Variants in CNTLN observed in about 807,000 individuals in gnomAD.
CNTLN encodes the protein centlein, centrosomal protein.
CNTLN carries 212 observed loss-of-function variants against 180.0 expected under a neutral mutation model. The observed-to-expected ratio is 1.18, with a 90% CI of 1.05 to 1.32. The LOEUF is 1.32. Among genes scored for constraint, CNTLN ranks in the 40% most tolerant of loss-of-function variants. The pLI is 0.00. For synonymous variants in CNTLN, 722 were observed against 563.1 expected, an observed-to-expected ratio of 1.28 and a Z score of -3.99; for missense variants, 2,095 against 1,610.9, an observed-to-expected ratio of 1.30 and a Z score of -5.14.
intron 18 of CNTLN, among the ~76,000 whole-genome samples, chr9:17,422,948 C>A (rs1033053725): frequency 6.6e-6 from 1 of 152,126 alleles, no homozygotes; most frequent in Non-Finnish European, 1.5e-5. Context: ...TACCCTAATC[C>A]CGGTAACACT....
intron 2 of CNTLN, among the ~76,000 whole-genome samples, chr9:17,212,147 A>G (rs1035170735): frequency 6.6e-6 from 1 of 152,180 alleles, no homozygotes; most frequent in Non-Finnish European, 1.5e-5. Context: ...TTCAAAGGGA[A>G]TGCTTCCAGT....
intron 2 of CNTLN, among the ~76,000 whole-genome samples, chr9:17,148,606 A>G (rs902069043): frequency 2.0e-5 from 3 of 152,200 alleles, no homozygotes; most frequent in Non-Finnish European, 4.4e-5. Flanking sequence ...TGATCATTTG[A>G]AGGACTGAAG....
In CNTLN at chr9:17,135,130, C is replaced by T. The variant is rs1262552236; in HGVS notation, c.65C>T (p.Ser22Phe). 3 of 1,607,418 alleles carry T rather than the reference C, an allele frequency of 1.9e-6. No individual in the cohort carries two copies. Among genetic ancestry groups the T allele is most frequent in the Non-Finnish European group, 2.5e-6 (3 of 1,177,986 alleles). ...CCAGCGCGACAGCTGGGCCCCAGGT[C>T]CCCACGTGTTGGGCGGGGAGCTGAA... ...SPPARQLGPRSPRVGRGAEVH... is the reference protein window; with the variant it reads ...SPPARQLGPRFPRVGRGAEVH... Residue 22 changes from serine (S) to phenylalanine (F), a missense_variant, in exon 1 of 26, where the codon TCC becomes TTC. Coordinates refer to ENST00000380647, the MANE Select transcript of CNTLN (RefSeq NM_017738.4).
intron 8 of CNTLN, 53 bp downstream of exon 8, chr9:17,309,305 C>G (rs1031388830): frequency 3.0e-6 from 4 of 1,333,286 alleles, no homozygotes; most frequent in African/African-American, 2.9e-5. Context: ...ATGAAATCAT[C>G]TCCTACAATT....
intron 16 of CNTLN, among the ~76,000 whole-genome samples, chr9:17,413,644 C>T (rs982455085): frequency 8.6e-5 from 13 of 151,998 alleles, no homozygotes; most frequent in African/African-American, 2.9e-4. Flanking sequence ...ATACGGATGG[C>T]AAATAAGCAC....
chr9:17,313,444 C>G (rs999957719), intron 8 of CNTLN, among the ~76,000 whole-genome samples: 4 of 151,356 alleles, frequency 2.6e-5, no homozygotes, highest in African/African-American at 9.7e-5. Context: ...AAGTTTTACT[C>G]TTCTATCCTC....
At chr9:17,310,422 A>G (rs1819049670) in intron 8 of CNTLN, among the ~76,000 whole-genome samples, 1 of 152,172 alleles carries the variant, frequency 6.6e-6, no homozygotes, top group South Asian at 2.1e-4. Context: ...TTCACTGTTT[A>G]AAAACATTCT....
intron 5 of CNTLN, among the ~76,000 whole-genome samples, chr9:17,260,788 A>G (rs1443116242): frequency 6.6e-6 from 1 of 151,376 alleles, no homozygotes; most frequent in Admixed American, 6.6e-5. Context: ...GGTATTGCCT[A>G]GGTGGTCTTC....
chr9:17,221,211 A>G (rs1285759071), intron 2 of CNTLN, among the ~76,000 whole-genome samples: 1 of 152,068 alleles, frequency 6.6e-6, no homozygotes, highest in African/African-American at 2.4e-5. Context: ...TCAAGTGGTA[A>G]TTTGAGATAA....
At chr9:17,227,373 C>T (rs924107265) in intron 3 of CNTLN, among the ~76,000 whole-genome samples, 21 of 151,866 alleles carry the variant, frequency 1.4e-4, no homozygotes, top group African/African-American at 5.1e-4. Flanking sequence ...TATGTAATCA[C>T]TGCAAAAGTG....
chr9:17,509,908 G>C, the CNTLN span, among the ~76,000 whole-genome samples: 1 of 152,178 alleles, frequency 6.6e-6, no homozygotes, highest in Non-Finnish European at 1.5e-5. Flanking sequence ...CTGCCTGGCT[G>C]CTTTGGCTTC....
At chr9:17,269,968 T>G (rs539704002) in intron 5 of CNTLN, among the ~76,000 whole-genome samples, 1 of 152,178 alleles carries the variant, frequency 6.6e-6, no homozygotes, top group African/African-American at 2.4e-5. Flanking sequence ...TGTTTAGTTT[T>G]ATAGAAAATC....
At chr9:17,226,853 G>C (rs1356785956) in intron 3 of CNTLN, among the ~76,000 whole-genome samples, 3 of 151,874 alleles carry the variant, frequency 2.0e-5, no homozygotes, top group African/African-American at 7.3e-5. Flanking sequence ...CACTTCATAT[G>C]GTTATAGCAG....
intron 18 of CNTLN, among the ~76,000 whole-genome samples, chr9:17,452,144 A>G (rs756682244): frequency 3.9e-5 from 6 of 152,144 alleles, no homozygotes; most frequent in Non-Finnish European, 8.8e-5. Context: ...TTGTTTTGGG[A>G]GTAATTAGGG....
chr9:17,369,174 C>A (rs372486650), intron 13 of CNTLN, among the ~76,000 whole-genome samples: 1 of 152,074 alleles, frequency 6.6e-6, no homozygotes, highest in Admixed American at 6.5e-5. Flanking sequence ...CTCATGAAAT[C>A]TGATGGTTTT....
At chr9:17,345,619 T>C (rs1376581220) in intron 12 of CNTLN, among the ~76,000 whole-genome samples, 2 of 152,008 alleles carry the variant, frequency 1.3e-5, no homozygotes, top group African/African-American at 4.8e-5. Flanking sequence ...TTTTATTACT[T>C]TAAGTGGAAT....
Position 17,298,467 on chromosome 9 carries a change from G to A in CNTLN, c.1146+115G>A, listed in dbSNP as rs1008324240. On this transcript the variant is annotated intron_variant, in intron 7 of 25. Transcript: ENST00000380647. The stretch of plus-strand genomic sequence containing the variant: ...TTAATTTTTACTTCCTTTTACATGT[G>A]TTTCCTCAAAATTTAGAAGTGAAGG... The A allele has an allele frequency of 2.5e-5, 33 of 1,334,166 alleles. No individual in the cohort carries two copies. The African/African-American group carries it at 4.7e-4, about 19-fold the overall frequency. The allele number at this position is 1,334,166 out of a possible 1,614,324, so 82.6% of individuals were successfully genotyped here. A position where few individuals can be genotyped will look rare whatever the true frequency, so the allele number is the denominator to read the frequency against.
At chr9:17,302,175 A>T (rs1818415188) in intron 7 of CNTLN, 3 of 932,500 alleles carry the variant, frequency 3.2e-6, no homozygotes, top group South Asian at 1.0e-4. Flanking sequence ...ATGAAGCTAT[A>T]ACATCATATT....
At chr9:17,359,750 A>AAAAAAAAAAAAAAAG (rs1823195894) in intron 12 of CNTLN, among the ~76,000 whole-genome samples, 1 of 138,440 alleles carries the variant, frequency 7.2e-6, no homozygotes, top group African/African-American at 2.6e-5. Flanking sequence ...AAAAAAAAAA[A>AAAAAAAAAAAAAAAG]CTAGCTGGGT....
Sources: allele counts gnomAD v4.1 joint callset (sites outside exome capture counted in the v4.1 genomes callset), GRCh38; gene constraint gnomAD v4.1.1; transcripts MANE v1.5; gene names NCBI Gene and HGNC (gene_info 2026-07-23, HGNC 2026-07-21).